SULT6B1: variants seen among roughly 807,000 people sequenced by gnomAD.
SULT6B1 encodes sulfotransferase 6B1.
SULT6B1 carries 44 observed loss-of-function variants against 37.2 expected under a neutral mutation model. The ratio of observed to expected loss-of-function variants is 1.18; its 90% CI spans 0.93 to 1.52. The LOEUF is 1.52. Ranked by LOEUF, SULT6B1 falls within the 40% of genes most tolerant of loss-of-function variation. The pLI is 0.00. For missense variants in SULT6B1, 450 were observed against 361.0 expected, an observed-to-expected ratio of 1.25 and a Z score of -2.00; for synonymous variants, 140 against 126.0, an observed-to-expected ratio of 1.11 and a Z score of -0.74.
At chr2:37,168,126 C>T (rs962724556) in intron 6 of SULT6B1, 61 bp from the exon 7 acceptor site, 43 of 1,461,758 alleles carry the variant, frequency 2.9e-5, no homozygotes, top group Non-Finnish European at 3.8e-5. Flanking sequence ...CATGATTTTA[C>T]CATTTTCAGT....
intron 3 of SULT6B1, among the ~76,000 whole-genome samples, chr2:37,181,094 T>C (rs905278260): frequency 1.6e-4 from 25 of 152,160 alleles, no homozygotes; most frequent in African/African-American, 6.0e-4. Context: ...CAAAATACCT[T>C]GTCTGCCTAA....
intron 4 of SULT6B1, 137 bp downstream of exon 4, chr2:37,179,321 G>A (rs1676498827): frequency 1.9e-6 from 2 of 1,078,940 alleles, no homozygotes; most frequent in South Asian, 2.9e-5. Context: ...ATGGTGCTAT[G>A]ACCGTTCATT....
At chr2:37,195,982 C>T (rs979553158) in intron 1 of SULT6B1, 2 of 152,208 alleles carry the variant, frequency 1.3e-5, no homozygotes, top group African/African-American at 4.8e-5. Context: ...CCACTACGAC[C>T]AGCTATTTTT....
At chr2:37,168,564 A>C (rs1168690806) in intron 6 of SULT6B1, among the ~76,000 whole-genome samples, 1 of 152,180 alleles carries the variant, frequency 6.6e-6, no homozygotes, top group Non-Finnish European at 1.5e-5. Flanking sequence ...TCTTTACATC[A>C]CTAGGGGGAG....
At chr2:37,187,248 G>A in intron 2 of SULT6B1, 107 bp downstream of exon 2, 1 of 710,630 alleles carries the variant, frequency 1.4e-6, no homozygotes. Context: ...GTAAATTGTG[G>A]TAATTATTAG....
In SULT6B1 at chr2:37,194,455, A is replaced by C. The variant is rs144865767; in HGVS notation, c.-22+2061T>G. 898 of 429,268 alleles carry C rather than the reference A, an allele frequency of 2.1e-3. 4 individuals carry two copies. The highest frequency in any genetic ancestry group is 2.8e-3 in the Non-Finnish European group (608 of 220,874). The allele number at this position is 429,268 out of a possible 1,614,324, so 26.6% of individuals were successfully genotyped here. A position where few individuals can be genotyped will look rare whatever the true frequency, so the allele number is the denominator to read the frequency against. On this transcript the variant is annotated intron_variant, in intron 1 of 7. Coordinates refer to the SULT6B1 transcript ENST00000407963. Reference sequence around the variant, plus strand: ...TACAGAGCTTATTTGGTGAATCTTCATCCTCATTACATCCTCTGGACAGCT... The same window carrying C: ...TACAGAGCTTATTTGGTGAATCTTCCTCCTCATTACATCCTCTGGACAGCT...
upstream of SULT6B1, among the ~76,000 whole-genome samples, chr2:37,192,159 A>G (rs1558454219): frequency 6.6e-6 from 1 of 152,256 alleles, no homozygotes; most frequent in Non-Finnish European, 1.5e-5. Flanking sequence ...ATTTTATTTA[A>G]TAACAGCATT....
At chr2:37,179,347 G>A (rs995239250) in intron 4 of SULT6B1, 111 bp downstream of exon 4, 6 of 1,348,608 alleles carry the variant, frequency 4.4e-6, no homozygotes, top group East Asian at 2.4e-5. Flanking sequence ...GAAACTTTTT[G>A]GTTCCCAGAT....
intron 1 of SULT6B1, among the ~76,000 whole-genome samples, chr2:37,193,916 AAAAG>A (rs1676838868): frequency 6.6e-6 from 1 of 152,162 alleles, no homozygotes; most frequent in South Asian, 2.1e-4. Flanking sequence ...GACCCTTGGT[AAAAG>A]TTTCTACTGG....
At chr2:37,183,558 ATGTGTG>A in intron 2 of SULT6B1, 44 bp from the exon 3 acceptor site, 1 of 1,434,568 alleles carries the variant, frequency 7.0e-7, no homozygotes, top group Non-Finnish European at 9.8e-7. Flanking sequence ...ACGTGTGTGC[ATGTGTG>A]TGTGTGTGTT....
rs1676871246 is a variant in SULT6B1 at position 37,194,894 on chromosome 2, TTCTTTCCTTCCTTCCTTCCTTCCTTCC to T, written c.-22+1595_-22+1621del. 1.7e-3 allele frequency among the ~76,000 whole-genome samples: 50 copies of T among 30,020 alleles called. 1 individual carries two copies. Among genetic ancestry groups the T allele is most frequent in the East Asian group, 2.6e-3 (3 of 1,138 alleles). The allele number at this position is 30,020 out of a possible 152,430, so 19.7% of individuals were successfully genotyped here. A position where few individuals can be genotyped will look rare whatever the true frequency, so the allele number is the denominator to read the frequency against. ...CTCCCTCCCTCCCTTCCTTCCTTCCTTCTTTCCTTCCTTCCTTCCTTCCTTCCTTCCTTCCTTCCTTCCTTCCTTCCT... is the reference window on the plus strand; with the variant it reads ...CTCCCTCCCTCCCTTCCTTCCTTCCTTTCCTTCCTTCCTTCCTTCCTTCCT... On this transcript the variant is annotated intron_variant, in intron 1 of 7. Transcript: ENST00000407963.
At chr2:37,190,455 C>A (rs1676758973), upstream of SULT6B1, among the ~76,000 whole-genome samples, 1 of 152,148 alleles carries the variant, frequency 6.6e-6, no homozygotes, top group Non-Finnish European at 1.5e-5. Flanking sequence ...CTTGCATGTA[C>A]CACATCCCCT....
chr2:37,194,762 CTTG>C (rs1435574421), intron 1 of SULT6B1: 1 of 161,184 alleles, frequency 6.2e-6, no homozygotes. Flanking sequence ...GTTGGTAAAG[CTTG>C]TTATCATTTC....
At chr2:37,175,062 C>T in intron 5 of SULT6B1, 70 bp downstream of exon 5, 1 of 833,172 alleles carries the variant, frequency 1.2e-6, no homozygotes. Context: ...TACAAACAGA[C>T]ATTATAAGTA....
At chr2:37,175,946 T>C (rs1676416797) in intron 4 of SULT6B1, among the ~76,000 whole-genome samples, 2 of 152,246 alleles carry the variant, frequency 1.3e-5, no homozygotes, top group Admixed American at 6.5e-5. Context: ...ATTAACTGAA[T>C]TGTATATCCC....
intron 3 of SULT6B1, among the ~76,000 whole-genome samples, chr2:37,179,814 A>T (rs1234867376): frequency 6.6e-6 from 1 of 152,212 alleles, no homozygotes; most frequent in African/African-American, 2.4e-5. Flanking sequence ...GATTCTTGCA[A>T]ATGAATTTAG....
chr2:37,168,068 A>G lies in SULT6B1; in HGVS notation c.782-3T>C, dbSNP rs766350226. On this transcript the variant is annotated splice_region_variant and splice_polypyrimidine_tract_variant and intron_variant, in intron 6 of 6. Transcript: ENST00000535679. Reference sequence around the variant, plus strand: ...ATTTTTCCAATCACCAACTTCACCTACAACACACAAAAAACAGTAGACCCA... The same window carrying G: ...ATTTTTCCAATCACCAACTTCACCTGCAACACACAAAAAACAGTAGACCCA... 3 of 1,579,796 alleles carry G rather than the reference A, an allele frequency of 1.9e-6. No individual in the cohort carries two copies. In the Admixed American group the frequency reaches 6.1e-5, roughly 32 times the overall value.
chr2:37,183,211 C>T (rs1457284105), intron 3 of SULT6B1, among the ~76,000 whole-genome samples: 1 of 152,040 alleles, frequency 6.6e-6, no homozygotes, highest in African/African-American at 2.4e-5. Context: ...ACATTTTATT[C>T]TATGCATATG....
At chr2:37,168,200 G>GC in intron 6 of SULT6B1, 135 bp from the exon 7 acceptor site, 1 of 865,166 alleles carries the variant, frequency 1.2e-6, no homozygotes, top group Non-Finnish European at 1.6e-6. Context: ...TCTTTATTTA[G>GC]TTTTTTTCAG....
Sources: allele counts gnomAD v4.1 joint callset (sites outside exome capture counted in the v4.1 genomes callset), GRCh38; gene constraint gnomAD v4.1.1; transcripts MANE v1.5; gene names NCBI Gene and HGNC (gene_info 2026-07-23, HGNC 2026-07-21).